Variants in HCFC2 observed in about 807,000 individuals in gnomAD.
HCFC2 encodes the protein host cell factor C2.
A neutral mutation model predicts 89.2 loss-of-function variants in HCFC2; 18 were observed. That is an observed-to-expected ratio of 0.20 (90% CI 0.14 to 0.30). HCFC2 has a LOEUF of 0.30. Among genes scored for constraint, HCFC2 ranks in the 10% least tolerant of loss-of-function variants. The pLI, the probability that HCFC2 is intolerant of heterozygous loss-of-function variation, is 1.00. For synonymous variants in HCFC2, 308 were observed against 335.7 expected (o/e 0.92, Z 0.90); for missense variants, 578 against 956.1 (o/e 0.60, Z 5.21).
Position 104,103,236 on chromosome 12 carries a change from G to A in HCFC2, c.2342G>A (p.Trp781Ter). Residue 781 changes from tryptophan to a stop codon, truncating the protein, a stop_gained, in exon 15 of 15, where the codon TGG (tryptophan) becomes TAG (stop). Coordinates refer to ENST00000229330, the MANE Select transcript of HCFC2 (RefSeq NM_013320.3). LOFTEE classifies it high-confidence loss of function. ...KGYGPATQVR[W>*]LQGNNKKAPL... The stretch of plus-strand genomic sequence containing the variant: ...TATGGACCAGCTACACAAGTTCGGT[G>A]GCTTCAAGGTAACAATAAGAAAGCA... 6.2e-7 allele frequency: 1 copy of A among 1,613,572 alleles called. No homozygotes were observed. The highest frequency in any genetic ancestry group is 8.5e-7 in the Non-Finnish European group (1 of 1,179,570).
At chr12:104,089,288 A>G (rs1170730948) in intron 9 of HCFC2, among the ~76,000 whole-genome samples, 3 of 152,170 alleles carry the variant, frequency 2.0e-5, no homozygotes, top group African/African-American at 4.8e-5. Flanking sequence ...CAAGGCGGGC[A>G]GATCACGAGG....
chr12:104,070,313 C>T (rs898451799), intron 3 of HCFC2, among the ~76,000 whole-genome samples: 9 of 152,202 alleles, frequency 5.9e-5, no homozygotes, highest in African/African-American at 2.2e-4. Flanking sequence ...CAGGCGTGAG[C>T]CACTGCGCCC....
rs1042399443 is a variant in HCFC2, at chr12:104,096,371, T to C, written c.1678T>C (p.Tyr560His). 1 of 1,602,522 alleles carries C rather than the reference T, an allele frequency of 6.2e-7. No individual in the cohort carries two copies. The highest frequency in any genetic ancestry group is 1.3e-5 in the African/African-American group (1 of 74,842). The change falls in exon 12 of 15, where the codon TAT (tyrosine) becomes CAT (histidine). Residue 560 changes from tyrosine to histidine, a missense_variant. Coordinates refer to ENST00000229330, the MANE Select transcript of HCFC2 (RefSeq NM_013320.3). ...TGTTTAATTTTTAGTTGATGAAACA[T>C]ATGCACTGCCTGCAACGAAGATCAG... ...FSTKSEVDET[Y>H]ALPATKISRV...
chr12:104,069,254 C>T (rs573502898), intron 3 of HCFC2, among the ~76,000 whole-genome samples: 7 of 152,090 alleles, frequency 4.6e-5, no homozygotes, highest in South Asian at 2.1e-4. Flanking sequence ...TGCAGTGAGC[C>T]GAGATCGTGC....
In HCFC2 at chr12:104,064,644, G is replaced by C. The variant is rs1253922157; in HGVS notation, c.84G>C (p.Ala28=). ...CCCGCGCCCGGCACGGACACCGAGC[G>C]GTGGCCATCCGGGAGCTGATGATCA... is the stretch of plus-strand genomic sequence containing the variant. ...PVPRARHGHR[A]VAIRELMIIF... The change falls in exon 1 of 15, where the codon GCG becomes GCC. Residue 28 remains alanine, a synonymous_variant. Coordinates refer to ENST00000229330, the MANE Select transcript of HCFC2 (RefSeq NM_013320.3). This position sits in a 1 kb window ranked among gnomAD's most constrained non-coding sequence, Gnocchi z 7.3. 1.3e-6 allele frequency: 2 copies of C among 1,580,532 alleles called. No individual in the cohort carries two copies. The highest frequency in any genetic ancestry group is 1.8e-5 in the Admixed American group (1 of 55,774).
chr12:104,082,477 G>C (rs78717299), intron 5 of HCFC2, 23 bp from the exon 6 acceptor site: 94,692 of 1,418,370 alleles, frequency 0.067, 3,668 homozygotes, highest in Admixed American at 0.11. Flanking sequence ...GCTACTTTAT[G>C]TTTTTGTTTT....
chr12:104,086,374 G>A (rs112326247), intron 7 of HCFC2, among the ~76,000 whole-genome samples: 7 of 152,148 alleles, frequency 4.6e-5, no homozygotes, highest in African/African-American at 1.4e-4. Flanking sequence ...TAAAATGTAC[G>A]CTGTTGGCTG....
intron 7 of HCFC2, among the ~76,000 whole-genome samples, chr12:104,084,196 T>G (rs1883765228): frequency 6.6e-6 from 1 of 152,126 alleles, no homozygotes; most frequent in Non-Finnish European, 1.5e-5. Context: ...AGAACTTACA[T>G]TCTGAGGGGG....
At chr12:104,067,267 C>T (rs556386531) in intron 2 of HCFC2, among the ~76,000 whole-genome samples, 97 of 152,320 alleles carry the variant, frequency 6.4e-4, no homozygotes, top group African/African-American at 2.3e-3. Flanking sequence ...TACCCTCATA[C>T]TAATATTTAC....
intron 13 of HCFC2, among the ~76,000 whole-genome samples, chr12:104,099,484 C>A (rs1884276019): frequency 6.6e-6 from 1 of 152,056 alleles, no homozygotes. Flanking sequence ...GCCTGCAGTC[C>A]CAGCTACTCA....
intron 3 of HCFC2, among the ~76,000 whole-genome samples, chr12:104,073,722 CCATT>C (rs781188322): frequency 2.0e-5 from 3 of 152,172 alleles, no homozygotes; most frequent in Non-Finnish European, 4.4e-5. Flanking sequence ...TTTCCCAACA[CCATT>C]TATTAAATAA....
chr12:104,065,620 T>C (rs1047612222), intron 1 of HCFC2, among the ~76,000 whole-genome samples: 1 of 152,084 alleles, frequency 6.6e-6, no homozygotes, highest in Non-Finnish European at 1.5e-5. Flanking sequence ...TTTTTCACCC[T>C]CTCCTCCTCC....
intron 2 of HCFC2, 27 bp from the exon 3 acceptor site, chr12:104,067,920 C>T: frequency 6.4e-7 from 1 of 1,557,456 alleles, no homozygotes. Context: ...TTTTGTCTGA[C>T]TGTATTTGTG....
rs866497707 is a variant in HCFC2, at chr12:104,104,178, G to C, written c.*905G>C. ...AATTAAAGTATATGTCCTCCTATTG[G>C]AGAAAAAAACAAGCACCTTAACAGG... On this transcript the variant is annotated 3_prime_UTR_variant, in exon 15 of 15. Coordinates refer to ENST00000229330, the MANE Select transcript of HCFC2 (RefSeq NM_013320.3). 8 of 151,772 alleles carry C rather than the reference G, an allele frequency of 5.3e-5. No homozygotes were observed. The highest frequency in any genetic ancestry group is 1.9e-4 in the African/African-American group (8 of 41,346). The allele number at this position is 151,772 out of a possible 1,614,324, so 9.4% of individuals were successfully genotyped here.
chr12:104,076,978 G>A (rs529094229), intron 3 of HCFC2, among the ~76,000 whole-genome samples: 5 of 152,152 alleles, frequency 3.3e-5, no homozygotes, highest in African/African-American at 1.2e-4. Context: ...ATGTGTGTTC[G>A]TGTACGTGCG....
rs189046600 is a variant in HCFC2 at position 104,088,769 on chromosome 12, G to A, written c.1284+731G>A. ...ATTACAAGTAAAGCTCATACAGTTT[G>A]TAAGTAGCCTGTCATATTAGACATA... On this transcript the variant is annotated intron_variant, in intron 9 of 14. Transcript: ENST00000229330. Among the ~76,000 whole-genome samples the A allele has an allele frequency of 1.8e-3, 272 of 152,208 alleles. 1 individual carries two copies. The highest frequency in any genetic ancestry group is 6.3e-3 in the African/African-American group (261 of 41,526).
At chr12:104,087,494 T>C (rs1428117713) in intron 8 of HCFC2, among the ~76,000 whole-genome samples, 2 of 146,750 alleles carry the variant, frequency 1.4e-5, no homozygotes, top group African/African-American at 5.0e-5. Context: ...TGTATATATA[T>C]ATACACACAT....
intron 2 of HCFC2, among the ~76,000 whole-genome samples, 157 bp from the exon 3 acceptor site, chr12:104,067,790 A>C (rs1883195180): frequency 6.6e-6 from 1 of 152,228 alleles, no homozygotes; most frequent in Non-Finnish European, 1.5e-5. Context: ...TAATTCCAGA[A>C]GTTAGCTGGT....
chr12:104,077,567 T>TA (rs905524279), intron 3 of HCFC2, among the ~76,000 whole-genome samples: 1 of 149,004 alleles, frequency 6.7e-6, no homozygotes, highest in Non-Finnish European at 1.5e-5. Flanking sequence ...TTTTTTTTTT[T>TA]AAACTATCTT....
Sources: allele counts gnomAD v4.1 joint callset (sites outside exome capture counted in the v4.1 genomes callset), GRCh38; gene constraint gnomAD v4.1.1; non-coding constraint Gnocchi (gnomAD v3.1); transcripts MANE v1.5; gene names NCBI Gene and HGNC (gene_info 2026-07-23, HGNC 2026-07-21).